Variants in ASPA observed in about 807,000 individuals in gnomAD.
The protein encoded by ASPA is aspartoacylase, also known as ACY-2.
In ASPA, 25 loss-of-function variants were observed where a neutral mutation model predicts 29.6. The ratio of observed to expected loss-of-function variants is 0.85; its 90% CI spans 0.62 to 1.18. ASPA has a LOEUF of 1.18. ASPA is among the 50% of genes most tolerant of loss of function. The pLI, the probability that ASPA is intolerant of heterozygous loss-of-function variation, is 0.00. For synonymous variants in ASPA, 131 were observed against 130.3 expected (o/e 1.01, Z -0.04); for missense variants, 333 against 385.7 (o/e 0.86, Z 1.14).
chr17:3,498,942 G>C lies in ASPA; in HGVS notation c.796G>C (p.Asp266His), dbSNP rs762812945. The C allele has an allele frequency of 1.9e-6, 3 of 1,612,270 alleles. No individual in the cohort carries two copies. In the South Asian group the frequency reaches 3.3e-5, roughly 18 times the overall value. ...TGGGGATCCCATGTTTTTAACTCTTGATGGGAAGACGATCCCACTGGGCGG... is the reference window on the plus strand; with the variant it reads ...TGGGGATCCCATGTTTTTAACTCTTCATGGGAAGACGATCCCACTGGGCGG... ...HPGDPMFLTL[D>H]GKTIPLGGDC... Residue 266 changes from aspartate to histidine, a missense_variant, in exon 6 of 6, where the codon GAT becomes CAT. Coordinates refer to ENST00000263080, the MANE Select transcript of ASPA (RefSeq NM_000049.4).
rs1034552401 is a variant in ASPA at position 3,485,120 on chromosome 17, G to A, written c.526+1528G>A. On this transcript the variant is annotated intron_variant, in intron 3 of 5. Transcript: ENST00000263080. This position sits in a 1 kb window ranked among gnomAD's most constrained non-coding sequence, Gnocchi z 4.4. Reference sequence around the variant, plus strand: ...TGCAGCCTTGACCTCCTGGGCTCAGGCAATCCTCCCATCTCAGCCTCCCAA... The same window carrying A: ...TGCAGCCTTGACCTCCTGGGCTCAGACAATCCTCCCATCTCAGCCTCCCAA... Among the ~76,000 whole-genome samples, 5 of 152,080 alleles carry A rather than the reference G, an allele frequency of 3.3e-5. No homozygotes were observed. Among genetic ancestry groups the A allele is most frequent in the Non-Finnish European group, 1.5e-5 (1 of 68,024 alleles).
intron 1 of ASPA, among the ~76,000 whole-genome samples, chr17:3,480,061 C>G (rs2073600894): frequency 6.6e-6 from 1 of 152,172 alleles, no homozygotes; most frequent in East Asian, 1.9e-4. Flanking sequence ...TCTGAAAACT[C>G]TGTCCCTGGA....
chr17:3,477,736 G>A (rs187550447), intron 1 of ASPA, among the ~76,000 whole-genome samples: 1 of 152,194 alleles, frequency 6.6e-6, no homozygotes, highest in East Asian at 1.9e-4. Flanking sequence ...TTATAGGCAT[G>A]AGCCACCGCG....
intron 5 of ASPA, among the ~76,000 whole-genome samples, chr17:3,495,424 T>C (rs1168241498): frequency 2.6e-5 from 4 of 152,230 alleles, no homozygotes; most frequent in Admixed American, 2.6e-4. Flanking sequence ...GTGACTCTAA[T>C]AGTCATCCAG....
intron 3 of ASPA, 140 bp from the exon 4 acceptor site, chr17:3,489,095 A>AT (rs2073775972): frequency 8.3e-6 from 5 of 599,782 alleles, no homozygotes; most frequent in African/African-American, 7.5e-5. Context: ...TATGTCTCAA[A>AT]TATTTTCCAT....
intron 4 of ASPA, among the ~76,000 whole-genome samples, chr17:3,492,004 G>A (rs568335636): frequency 5.3e-5 from 8 of 151,262 alleles, no homozygotes; most frequent in Admixed American, 2.0e-4. Context: ...AGCCTCCTGA[G>A]TTGCTGGGAC....
intron 4 of ASPA, among the ~76,000 whole-genome samples, chr17:3,491,494 C>T (rs2073822992): frequency 6.6e-6 from 1 of 152,120 alleles, no homozygotes; most frequent in South Asian, 2.1e-4. Context: ...TGCCTGTAAT[C>T]CTTGCACTTT....
chr17:3,499,245 A>G lies in ASPA; in HGVS notation c.*157A>G. 1 of 608,014 alleles carries G rather than the reference A, an allele frequency of 1.6e-6. No individual in the cohort carries two copies. The highest frequency in any genetic ancestry group is 2.7e-5 in the South Asian group (1 of 37,700). 37.7% of individuals were successfully genotyped at this position (608,014 alleles called of 1,614,324 possible). Reference sequence around the variant, plus strand: ...CTAAGCACATTTCTTAAATTAATTAATATATCTTTAAAGATATCATATTTT... The same window carrying G: ...CTAAGCACATTTCTTAAATTAATTAGTATATCTTTAAAGATATCATATTTT... On this transcript the variant is annotated 3_prime_UTR_variant, in exon 6 of 6. Coordinates refer to ENST00000263080, the MANE Select transcript of ASPA (RefSeq NM_000049.4).
At chr17:3,483,948 G>C (rs1231153201) in intron 3 of ASPA, among the ~76,000 whole-genome samples, 1 of 152,142 alleles carries the variant, frequency 6.6e-6, no homozygotes, top group Non-Finnish European at 1.5e-5. Context: ...ATGAGTCACT[G>C]CCTGGCCGAG....
intron 1 of ASPA, 116 bp downstream of exon 1, chr17:3,476,511 G>A (rs532200920): frequency 2.5e-5 from 24 of 964,310 alleles, no homozygotes; most frequent in African/African-American, 2.4e-4. Flanking sequence ...ACATGCAGTC[G>A]TATGTTGAAT....
chr17:3,493,945 T>C (rs2073867508), intron 4 of ASPA, among the ~76,000 whole-genome samples: 1 of 152,182 alleles, frequency 6.6e-6, no homozygotes, highest in African/African-American at 2.4e-5. Context: ...TAACTAAACG[T>C]TATCTGTTCT....
chr17:3,486,490 T>A (rs1054630611), intron 3 of ASPA, among the ~76,000 whole-genome samples: 2 of 152,212 alleles, frequency 1.3e-5, no homozygotes, highest in African/African-American at 4.8e-5. Flanking sequence ...CACTTGTTTA[T>A]CCTGCCAGTT....
chr17:3,491,476 G>A (rs1244497124), intron 4 of ASPA, among the ~76,000 whole-genome samples: 1 of 152,150 alleles, frequency 6.6e-6, no homozygotes, highest in Non-Finnish European at 1.5e-5. Context: ...GCCAGGCGCG[G>A]TGGCTCATGC....
chr17:3,477,353 TA>T (rs1181849056), intron 1 of ASPA, among the ~76,000 whole-genome samples: 1 of 152,240 alleles, frequency 6.6e-6, no homozygotes, highest in Non-Finnish European at 1.5e-5. Context: ...CATAACATGC[TA>T]GGTTAGGTCC....
In ASPA at chr17:3,500,570, T is replaced by G. The variant is rs2073977911; in HGVS notation, c.*1482T>G. 1 of 152,106 alleles carries G rather than the reference T, an allele frequency of 6.6e-6. No homozygotes were observed. The highest frequency in any genetic ancestry group is 6.5e-5 in the Admixed American group (1 of 15,278). 9.4% of individuals were successfully genotyped at this position (152,106 alleles called of 1,614,324 possible). A position where few individuals can be genotyped will look rare whatever the true frequency, so the allele number is the denominator to read the frequency against. On this transcript the variant is annotated 3_prime_UTR_variant, in exon 6 of 6. Transcript: ENST00000263080. ...CAGGCTGGAGTGCAGTGGCGCAATC[T>G]CGGCTCACTGCAAGCTCCGCCTCCC...
Position 3,483,591 on chromosome 17 carries a change from G to C in ASPA, c.525G>C (p.Val175=). The part of the protein sequence containing the change: ...ATTRSIAKYP[V]GIEVGPQPQG... Reference sequence around the variant, plus strand: ...CTCGTTCCATAGCCAAGTATCCTGTGGGTAAGTCATAGTTCCCACTGTCAT... The same window carrying C: ...CTCGTTCCATAGCCAAGTATCCTGTCGGTAAGTCATAGTTCCCACTGTCAT... The change falls in exon 3 of 6, where the codon GTG becomes GTC. Residue 175 remains valine (V), a splice_region_variant and synonymous_variant. Coordinates refer to ENST00000263080, the MANE Select transcript of ASPA (RefSeq NM_000049.4). 6.2e-7 allele frequency: 1 copy of C among 1,610,438 alleles called. No individual in the cohort carries two copies. The highest frequency in any genetic ancestry group is 1.7e-4 in the Middle Eastern group (1 of 6,054).
At chr17:3,493,992 G>A (rs986476171) in intron 4 of ASPA, among the ~76,000 whole-genome samples, 2 of 150,800 alleles carry the variant, frequency 1.3e-5, no homozygotes, top group African/African-American at 4.9e-5. Flanking sequence ...TGTTGCTGTT[G>A]TTATTATTGT....
At chr17:3,491,641 C>T (rs2073826145) in intron 4 of ASPA, among the ~76,000 whole-genome samples, 1 of 151,704 alleles carries the variant, frequency 6.6e-6, no homozygotes, top group Admixed American at 6.6e-5. Context: ...CCAGCTACTC[C>T]GAAGGCTGAG....
chr17:3,489,155 T>C, intron 3 of ASPA, 80 bp from the exon 4 acceptor site: 1 of 872,286 alleles, frequency 1.1e-6, no homozygotes, highest in Non-Finnish European at 1.9e-6. Flanking sequence ...TAATTCTAAA[T>C]CTTGATACAT....
Sources: allele counts gnomAD v4.1 joint callset (sites outside exome capture counted in the v4.1 genomes callset), GRCh38; gene constraint gnomAD v4.1.1; non-coding constraint Gnocchi (gnomAD v3.1); transcripts MANE v1.5; gene names NCBI Gene and HGNC (gene_info 2026-07-23, HGNC 2026-07-21).